Variants in RAD51B observed in about 807,000 individuals in gnomAD.
The protein encoded by RAD51B is RAD51 paralog B.
A neutral mutation model predicts 42.2 loss-of-function variants in RAD51B; 38 were observed. The ratio of observed to expected loss-of-function variants is 0.90; its 90% CI spans 0.70 to 1.18. The LOEUF (loss-of-function observed/expected upper bound fraction) is 1.18, where lower values mean the gene tolerates loss of function less well. RAD51B is among the 50% of genes most tolerant of loss of function. RAD51B has a pLI of 0.00. For synonymous variants in RAD51B, 154 were observed against 145.2 expected (o/e 1.06, Z -0.43); for missense variants, 373 against 400.7 (o/e 0.93, Z 0.59).
intron 11 of RAD51B, among the ~76,000 whole-genome samples, chr14:68,670,514 C>T (rs750248374): frequency 9.9e-5 from 15 of 152,174 alleles, no homozygotes; most frequent in Non-Finnish European, 1.5e-4. Context: ...GGAAAAAGCC[C>T]AGAACTGCTG....
At chr14:68,523,944 ATGGTCTGG>A (rs1306103512) in intron 10 of RAD51B, among the ~76,000 whole-genome samples, 2 of 152,218 alleles carry the variant, frequency 1.3e-5, no homozygotes, top group South Asian at 2.1e-4. Context: ...GTGAATATCA[ATGGTCTGG>A]TGGCATCAAA....
At chr14:68,292,097 G>C in intron 8 of RAD51B, 117 bp downstream of exon 8, 2 of 889,672 alleles carry the variant, frequency 2.2e-6, no homozygotes, top group Non-Finnish European at 3.5e-6. Flanking sequence ...AGTGAACCCA[G>C]CCGGAGCCTG....
chr14:68,142,030 A>T (rs575364355), intron 7 of RAD51B, among the ~76,000 whole-genome samples: 2 of 152,182 alleles, frequency 1.3e-5, no homozygotes, highest in African/African-American at 4.8e-5. Context: ...TAATTTCCTT[A>T]TTCCCAGAAT....
chr14:68,541,258 G>C, intron 10 of RAD51B: 2 of 985,448 alleles, frequency 2.0e-6, no homozygotes, highest in Non-Finnish European at 2.4e-6. Flanking sequence ...TATTGGTTAA[G>C]TTCTTCAAAT....
In RAD51B at chr14:68,109,728, A is replaced by T. The variant is rs187585362; in HGVS notation, c.757-182156A>T. On this transcript the variant is annotated intron_variant, in intron 7 of 10. Transcript: ENST00000471583. ...GCCCAGGCATTCTTGCTAGTGATGG[A>T]AATAGAGGGCTGAACAGGAAAGAGT... Among the ~76,000 whole-genome samples the T allele has an allele frequency of 3.3e-5, 5 of 152,116 alleles. No homozygotes were observed. In the East Asian group the frequency reaches 9.6e-4, roughly 29 times the overall value.
At chr14:68,417,294 C>T (rs945025581) in intron 9 of RAD51B, among the ~76,000 whole-genome samples, 1 of 152,148 alleles carries the variant, frequency 6.6e-6, no homozygotes, top group African/African-American at 2.4e-5. Flanking sequence ...GACTAGATCC[C>T]GCCAGAGGAG....
chr14:68,456,297 A>T (rs925928637), intron 9 of RAD51B, among the ~76,000 whole-genome samples: 1 of 152,122 alleles, frequency 6.6e-6, no homozygotes, highest in Non-Finnish European at 1.5e-5. Context: ...TGACAGAATA[A>T]TTTTTTTTAA....
downstream of RAD51B, among the ~76,000 whole-genome samples, chr14:68,616,378 T>C (rs767357710): frequency 1.3e-5 from 2 of 152,214 alleles, no homozygotes; most frequent in Non-Finnish European, 2.9e-5. Flanking sequence ...ATTTGATTTG[T>C]GTATCATTCA....
chr14:68,260,280 C>T (rs1422166305), intron 7 of RAD51B, among the ~76,000 whole-genome samples: 1 of 34,314 alleles, frequency 2.9e-5, no homozygotes, highest in Non-Finnish European at 6.3e-5. Flanking sequence ...AAAAAGAGGG[C>T]CAGTGTGGCT....
intron 7 of RAD51B, among the ~76,000 whole-genome samples, chr14:68,072,113 A>G (rs939823544): frequency 6.0e-4 from 82 of 135,772 alleles, no homozygotes; most frequent in Non-Finnish European, 9.3e-4. Flanking sequence ...AAATATAAAA[A>G]ATATATAAAA....
chr14:68,302,568 C>T (rs2081766914), intron 8 of RAD51B, among the ~76,000 whole-genome samples: 1 of 152,138 alleles, frequency 6.6e-6, no homozygotes, highest in Non-Finnish European at 1.5e-5. Context: ...GAATTAAAGA[C>T]TCACACAGAA....
chr14:68,426,818 A>AT lies in RAD51B; in HGVS notation c.957+15295dup, dbSNP rs146847193. Among the ~76,000 whole-genome samples, 2,099 of 152,166 alleles carry AT rather than the reference A, an allele frequency of 0.014. 263 individuals carry two copies. The East Asian group carries it at 0.31, about 22-fold the overall frequency. ...ACAATGGGAGAATGACCCCGAGGGG[A>AT]TTTTGGAGATTTTTAAGGCTGCCCC... On this transcript the variant is annotated intron_variant, in intron 9 of 10. Coordinates refer to ENST00000471583, the MANE Select transcript of RAD51B (RefSeq NM_133510.4).
Position 68,259,825 on chromosome 14 carries a change from G to A in RAD51B, c.757-32059G>A, listed in dbSNP as rs116751894. 9.5e-3 allele frequency among the ~76,000 whole-genome samples: 1,443 copies of A among 152,158 alleles called. 20 individuals carry two copies. The highest frequency in any genetic ancestry group is 0.031 in the African/African-American group (1,292 of 41,478). On this transcript the variant is annotated intron_variant, in intron 7 of 10. Coordinates refer to ENST00000471583, the MANE Select transcript of RAD51B (RefSeq NM_133510.4). ...GATACTGTGGACCAAGCAGCGATAT[G>A]GCTATGGCTATATCACTGTTTTGCC...
chr14:68,111,283 A>G (rs2140585004), intron 7 of RAD51B, among the ~76,000 whole-genome samples: 1 of 152,202 alleles, frequency 6.6e-6, no homozygotes, highest in East Asian at 1.9e-4. Context: ...ATGCAACTTG[A>G]AACGGTTTGC....
chr14:68,055,372 A>G (rs1308278060), intron 7 of RAD51B, among the ~76,000 whole-genome samples: 2 of 152,176 alleles, frequency 1.3e-5, no homozygotes, highest in Non-Finnish European at 2.9e-5. Flanking sequence ...TAGGTAGTAA[A>G]TGTTATAAGA....
intron 9 of RAD51B, among the ~76,000 whole-genome samples, chr14:68,449,648 G>A (rs2140182229): frequency 6.6e-6 from 1 of 152,276 alleles, no homozygotes; most frequent in Non-Finnish European, 1.5e-5. Flanking sequence ...CTGCAGCTGT[G>A]CCTGAGGAGG....
At chr14:68,426,451 T>G (rs1201885654) in intron 9 of RAD51B, among the ~76,000 whole-genome samples, 1 of 152,116 alleles carries the variant, frequency 6.6e-6, no homozygotes, top group Non-Finnish European at 1.5e-5. Flanking sequence ...AGGCCATGAT[T>G]GTTATGAAGT....
chr14:68,171,552 C>T (rs1435044510), intron 7 of RAD51B, among the ~76,000 whole-genome samples: 8 of 152,042 alleles, frequency 5.3e-5, no homozygotes, highest in South Asian at 2.1e-4. Context: ...CCACCCACCT[C>T]GGCCTCCCAA....
intron 7 of RAD51B, among the ~76,000 whole-genome samples, chr14:68,105,113 C>A (rs1322738058): frequency 7.0e-6 from 1 of 142,062 alleles, no homozygotes; most frequent in Non-Finnish European, 1.5e-5. Context: ...CTCCAGGAAT[C>A]TTTTTTTTTT....
Sources: allele counts gnomAD v4.1 joint callset (sites outside exome capture counted in the v4.1 genomes callset), GRCh38; gene constraint gnomAD v4.1.1; transcripts MANE v1.5; gene names NCBI Gene and HGNC (gene_info 2026-07-23, HGNC 2026-07-21).